The following RAP1GDS1 variants were observed in gnomAD, a reference collection of about 807,000 sequenced individuals.
The protein encoded by RAP1GDS1 is Rap1 GTPase-GDP dissociation stimulator 1.
Under a neutral mutation model 71.1 loss-of-function variants are expected in RAP1GDS1, and 35 were observed. The observed-to-expected ratio is 0.49, with a 90% CI of 0.38 to 0.65. The LOEUF (loss-of-function observed/expected upper bound fraction) is 0.65. Among genes scored for constraint, RAP1GDS1 ranks in the 30% least tolerant of loss-of-function variants. The pLI, the probability that RAP1GDS1 is intolerant of heterozygous loss-of-function variation, is 0.00. For missense variants in RAP1GDS1, 663 were observed against 706.1 expected (o/e 0.94, Z 0.69); for synonymous variants, 229 against 243.1 (o/e 0.94, Z 0.54).
intron 1 of RAP1GDS1, among the ~76,000 whole-genome samples, chr4:98,277,798 A>G (rs149944103): frequency 2.0e-5 from 3 of 152,382 alleles, no homozygotes; most frequent in East Asian, 1.9e-4. Flanking sequence ...ACAGTATCCT[A>G]TAGTGATAAT....
chr4:98,289,908 T>G (rs1726675165), intron 1 of RAP1GDS1, among the ~76,000 whole-genome samples: 1 of 152,108 alleles, frequency 6.6e-6, no homozygotes, highest in Non-Finnish European at 1.5e-5. Flanking sequence ...GAAATATTTT[T>G]TTTTTTGGAT....
intron 13 of RAP1GDS1, among the ~76,000 whole-genome samples, chr4:98,434,701 A>G (rs1025590892): frequency 5.3e-5 from 8 of 151,518 alleles, no homozygotes; most frequent in African/African-American, 1.7e-4. Flanking sequence ...GCTCACTGCA[A>G]CGTCCGCGTC....
chr4:98,293,965 C>T (rs1367744523), intron 2 of RAP1GDS1, among the ~76,000 whole-genome samples: 1 of 151,886 alleles, frequency 6.6e-6, no homozygotes, highest in African/African-American at 2.4e-5. Context: ...ATAATTGTAC[C>T]TTAAAATAAT....
At chr4:98,390,609 C>T (rs886472584) in intron 5 of RAP1GDS1, among the ~76,000 whole-genome samples, 3 of 152,090 alleles carry the variant, frequency 2.0e-5, no homozygotes, top group Non-Finnish European at 4.4e-5. Flanking sequence ...TCATACTTCA[C>T]TCTAAAAGCA....
At chr4:98,276,442 A>G (rs867832658) in intron 1 of RAP1GDS1, among the ~76,000 whole-genome samples, 2 of 151,824 alleles carry the variant, frequency 1.3e-5, no homozygotes, top group African/African-American at 4.8e-5. Flanking sequence ...CTCAAATGTA[A>G]CTGATTAAAG....
chr4:98,412,954 AT>A (rs1747289937), intron 7 of RAP1GDS1, among the ~76,000 whole-genome samples: 1 of 152,122 alleles, frequency 6.6e-6, no homozygotes, highest in Non-Finnish European at 1.5e-5. Context: ...CAAAATTAGA[AT>A]TACTGATGAG....
At chr4:98,418,106 T>A (rs1481325453) in intron 9 of RAP1GDS1, among the ~76,000 whole-genome samples, 1 of 152,174 alleles carries the variant, frequency 6.6e-6, no homozygotes, top group Non-Finnish European at 1.5e-5. Context: ...ACTGTTGGTA[T>A]ATATTATATC....
chr4:98,408,014 T>C lies in RAP1GDS1; in HGVS notation c.763+3412T>C, dbSNP rs115643384. ...AAGCATAATTAACCAAAATTAAGAA[T>C]GCAAGAGGAGGAGACCTTACCGCAG... On this transcript the variant is annotated intron_variant, in intron 7 of 14. Transcript: ENST00000408927. 7.4e-3 allele frequency among the ~76,000 whole-genome samples: 1,117 copies of C among 151,952 alleles called. 19 individuals carry two copies. The highest frequency in any genetic ancestry group is 0.026 in the African/African-American group (1,075 of 41,496).
intron 4 of RAP1GDS1, among the ~76,000 whole-genome samples, chr4:98,354,224 G>T (rs895576636): frequency 6.6e-6 from 1 of 151,036 alleles, no homozygotes; most frequent in Non-Finnish European, 1.5e-5. Context: ...CACCGCGCCC[G>T]GCTAATTTTT....
chr4:98,321,845 G>A (rs1194518508), intron 2 of RAP1GDS1, among the ~76,000 whole-genome samples: 9 of 114,230 alleles, frequency 7.9e-5, no homozygotes, highest in Non-Finnish European at 1.6e-4. Flanking sequence ...TCGAGACTAG[G>A]AAGAAACTGC....
At chr4:98,425,337 G>C (rs1749462814) in intron 12 of RAP1GDS1, among the ~76,000 whole-genome samples, 1 of 151,940 alleles carries the variant, frequency 6.6e-6, no homozygotes, top group Non-Finnish European at 1.5e-5. Context: ...AAAAAAAGTG[G>C]GGGGTATACA....
chr4:98,393,273 T>C (rs1464011883), intron 6 of RAP1GDS1, among the ~76,000 whole-genome samples: 3 of 152,210 alleles, frequency 2.0e-5, no homozygotes, highest in Non-Finnish European at 4.4e-5. Flanking sequence ...ATAGAAATTA[T>C]TAAAGTTATT....
intron 6 of RAP1GDS1, among the ~76,000 whole-genome samples, chr4:98,400,528 T>TAAA (rs774732053): frequency 0.032 from 2,356 of 74,252 alleles, 43 homozygotes; most frequent in African/African-American, 0.05. Flanking sequence ...TTTATAGAAG[T>TAAA]AAAAAAAAAA....
chr4:98,399,208 AAAAT>A (rs1434748940), intron 6 of RAP1GDS1, among the ~76,000 whole-genome samples: 3 of 152,346 alleles, frequency 2.0e-5, no homozygotes, highest in East Asian at 3.9e-4. Context: ...AACGAAAGCA[AAAAT>A]AAATAGGATC....
intron 7 of RAP1GDS1, among the ~76,000 whole-genome samples, chr4:98,413,581 G>A (rs1315096217): frequency 6.6e-6 from 1 of 151,470 alleles, no homozygotes; most frequent in Non-Finnish European, 1.5e-5. Context: ...AGTATTCCAT[G>A]GTGTATATGT....
chr4:98,293,386 A>T, intron 1 of RAP1GDS1, 22 bp from the exon 2 acceptor site: 1 of 1,171,412 alleles, frequency 8.5e-7, no homozygotes, highest in Admixed American at 2.5e-5. Flanking sequence ...TGAGTTTCTG[A>T]TTTTTTTTTT....
At chr4:98,379,379 A>G (rs957673737) in intron 5 of RAP1GDS1, 1 of 462,894 alleles carries the variant, frequency 2.2e-6, no homozygotes, top group East Asian at 4.0e-5. Context: ...GCCAGTTTTG[A>G]TCAGTATCAA....
intron 3 of RAP1GDS1, among the ~76,000 whole-genome samples, chr4:98,346,284 A>G (rs1000989529): frequency 1.3e-5 from 2 of 152,218 alleles, no homozygotes; most frequent in Non-Finnish European, 2.9e-5. Flanking sequence ...CAAAAGAGTG[A>G]AAATGTACAC....
chr4:98,272,313 T>A (rs1723585687), intron 1 of RAP1GDS1, among the ~76,000 whole-genome samples: 1 of 152,210 alleles, frequency 6.6e-6, no homozygotes, highest in South Asian at 2.1e-4. Context: ...TCCTGTAGCA[T>A]TAAAATCCAT....
Sources: allele counts gnomAD v4.1 joint callset (sites outside exome capture counted in the v4.1 genomes callset), GRCh38; gene constraint gnomAD v4.1.1; transcripts MANE v1.5; gene names NCBI Gene and HGNC (gene_info 2026-07-23, HGNC 2026-07-21).